DNAJC5B: variants seen among roughly 807,000 people sequenced by gnomAD.
DNAJC5B encodes DnaJ heat shock protein family (Hsp40) member C5 beta, also known as dnaJ homolog subfamily C member 5B.
A neutral mutation model predicts 24.7 loss-of-function variants in DNAJC5B; 23 were observed. That is an observed-to-expected ratio of 0.93 (90% CI 0.67 to 1.32). DNAJC5B has a LOEUF of 1.32. Among genes scored for constraint, DNAJC5B ranks in the 40% most tolerant of loss-of-function variants. DNAJC5B has a pLI of 0.00. For missense variants in DNAJC5B, 238 were observed against 240.8 expected (o/e 0.99, Z 0.08); for synonymous variants, 101 against 90.1 (o/e 1.12, Z -0.68).
chr8:66,055,663 G>A (rs1019140523), intron 3 of DNAJC5B, among the ~76,000 whole-genome samples: 11 of 152,130 alleles, frequency 7.2e-5, no homozygotes, highest in African/African-American at 2.7e-4. Flanking sequence ...TATAGACCAG[G>A]CACGGTGGCT....
chr8:66,099,655 T>C (rs1180097196), intron 5 of DNAJC5B, among the ~76,000 whole-genome samples: 1 of 152,238 alleles, frequency 6.6e-6, no homozygotes, highest in Non-Finnish European at 1.5e-5. Flanking sequence ...TCCCACAAGA[T>C]GGTGAAAACT....
intron 5 of DNAJC5B, among the ~76,000 whole-genome samples, chr8:66,087,464 A>C (rs1351524304): frequency 1.3e-5 from 2 of 152,132 alleles, no homozygotes; most frequent in Admixed American, 1.3e-4. Flanking sequence ...GAAACCAATC[A>C]TGCCTTCCCA....
chr8:66,043,689 G>A (rs1039683664), intron 2 of DNAJC5B, 78 bp downstream of exon 2: 12 of 152,162 alleles, frequency 7.9e-5, no homozygotes, highest in African/African-American at 2.7e-4. Context: ...AAAACAGCAA[G>A]TTGTTCCTGT....
At chr8:66,064,530 CCTT>C (rs1293305793) in intron 3 of DNAJC5B, among the ~76,000 whole-genome samples, 5 of 152,172 alleles carry the variant, frequency 3.3e-5, no homozygotes, top group Admixed American at 6.5e-5. Context: ...CCTCCCTTGA[CCTT>C]CTAGTTCAGT....
rs530544408 is a variant in DNAJC5B, at chr8:66,085,204, C to T, written c.505+4656C>T. ...TCTGTAATCCCAGCAATTTGGGAGGCGGAGGCTGGTGGATCGCTTGAGGCC... is the reference window on the plus strand; with the variant it reads ...TCTGTAATCCCAGCAATTTGGGAGGTGGAGGCTGGTGGATCGCTTGAGGCC... On this transcript the variant is annotated intron_variant, in intron 5 of 5. Coordinates refer to ENST00000276570, the MANE Select transcript of DNAJC5B (RefSeq NM_033105.6). Among the ~76,000 whole-genome samples the T allele has an allele frequency of 1.4e-4, 22 of 152,256 alleles. No individual in the cohort carries two copies. In the South Asian group the frequency reaches 1.4e-3, roughly 10 times the overall value.
At chr8:66,048,892 A>T (rs1262707925) in intron 2 of DNAJC5B, among the ~76,000 whole-genome samples, 1 of 152,200 alleles carries the variant, frequency 6.6e-6, no homozygotes, top group East Asian at 1.9e-4. Context: ...GACATTTGCC[A>T]ATACCTAATA....
intron 4 of DNAJC5B, among the ~76,000 whole-genome samples, chr8:66,080,005 G>C (rs980751737): frequency 1.3e-5 from 2 of 152,086 alleles, no homozygotes; most frequent in Non-Finnish European, 2.9e-5. Flanking sequence ...TGGGCAGGGG[G>C]CTTGCTAACT....
intron 3 of DNAJC5B, among the ~76,000 whole-genome samples, chr8:66,062,585 T>C (rs748722262): frequency 7.9e-5 from 12 of 152,198 alleles, no homozygotes; most frequent in Non-Finnish European, 1.6e-4. Context: ...TTCTCTAGCA[T>C]GTTGGGTGCA....
chr8:66,042,319 A>G (rs75445607), intron 1 of DNAJC5B, among the ~76,000 whole-genome samples: 3,448 of 152,326 alleles, frequency 0.023, 137 homozygotes, highest in African/African-American at 0.079. Context: ...TGCACTACTT[A>G]ACTTTTTGAA....
intron 5 of DNAJC5B, among the ~76,000 whole-genome samples, chr8:66,094,451 T>C (rs1807908401): frequency 6.6e-6 from 1 of 152,218 alleles, no homozygotes; most frequent in African/African-American, 2.4e-5. Context: ...TTCTGGCATA[T>C]AGAAATGTAC....
intron 1 of DNAJC5B, among the ~76,000 whole-genome samples, chr8:66,029,181 C>T (rs895480483): frequency 6.6e-6 from 1 of 152,196 alleles, no homozygotes; most frequent in Non-Finnish European, 1.5e-5. Context: ...TGACATTCTC[C>T]TGACATTTAA....
At chr8:66,020,647 TGTGTG>T (rs1191348161), upstream of DNAJC5B, among the ~76,000 whole-genome samples, 74 of 129,108 alleles carry the variant, frequency 5.7e-4, no homozygotes, top group Admixed American at 2.4e-3. Context: ...TGTGTGTGTG[TGTGTG>T]TTTTAGACAA....
chr8:66,040,863 A>G (rs1047526423), intron 1 of DNAJC5B, among the ~76,000 whole-genome samples: 1 of 152,214 alleles, frequency 6.6e-6, no homozygotes, highest in Non-Finnish European at 1.5e-5. Context: ...AGCACACATT[A>G]AAATTCTCTC....
chr8:66,076,558 T>A, intron 3 of DNAJC5B, 102 bp from the exon 4 acceptor site: 1 of 1,215,444 alleles, frequency 8.2e-7, no homozygotes, highest in Non-Finnish European at 1.2e-6. Flanking sequence ...TCACAGTATT[T>A]GCGCTAATAA....
chr8:66,098,615 T>A (rs1808006057), intron 5 of DNAJC5B, among the ~76,000 whole-genome samples: 1 of 152,116 alleles, frequency 6.6e-6, no homozygotes, highest in African/African-American at 2.4e-5. Context: ...TTCTGAAAGT[T>A]ATGTTAGATA....
At chr8:66,060,251 A>T (rs1046467848) in intron 3 of DNAJC5B, among the ~76,000 whole-genome samples, 2 of 152,330 alleles carry the variant, frequency 1.3e-5, no homozygotes, top group African/African-American at 4.8e-5. Flanking sequence ...TGTCAAGGTC[A>T]TCACACCTGG....
chr8:66,059,488 G>C (rs571889049), intron 3 of DNAJC5B, among the ~76,000 whole-genome samples: 4 of 152,218 alleles, frequency 2.6e-5, no homozygotes, highest in African/African-American at 9.6e-5. Context: ...AGGAGTTGAG[G>C]AGGAGGGAGA....
chr8:66,081,737 A>G (rs1238602279), intron 5 of DNAJC5B, among the ~76,000 whole-genome samples: 1 of 152,122 alleles, frequency 6.6e-6, no homozygotes, highest in Admixed American at 6.5e-5. Flanking sequence ...TAGAGAGGAC[A>G]GAAGGAGTTT....
intron 2 of DNAJC5B, among the ~76,000 whole-genome samples, chr8:66,047,516 G>A (rs773472440): frequency 6.6e-6 from 1 of 152,122 alleles, no homozygotes; most frequent in Non-Finnish European, 1.5e-5. Flanking sequence ...TCAGAAAACC[G>A]TTTTATTTAT....
Sources: allele counts gnomAD v4.1 joint callset (sites outside exome capture counted in the v4.1 genomes callset), GRCh38; gene constraint gnomAD v4.1.1; transcripts MANE v1.5; gene names NCBI Gene and HGNC (gene_info 2026-07-23, HGNC 2026-07-21).